CNKSR2: variants seen among roughly 807,000 people sequenced by gnomAD.
CNKSR2 encodes connector enhancer of kinase suppressor of Ras 2.
A neutral mutation model predicts 84.4 loss-of-function variants in CNKSR2; 14 were observed. That is an observed-to-expected ratio of 0.17 (90% CI 0.11 to 0.26). The LOEUF is 0.26. Among genes scored for constraint, CNKSR2 ranks in the 10% least tolerant of loss-of-function variants. The probability of loss-of-function intolerance (pLI) is 1.00; values close to 1 mark genes in which losing one functional copy is unlikely to be tolerated. For synonymous variants in CNKSR2, 275 were observed against 277.9 expected, an observed-to-expected ratio of 0.99 and a Z score of 0.10; for missense variants, 485 against 771.2, an observed-to-expected ratio of 0.63 and a Z score of 4.40.
rs746572827 is a variant in CNKSR2, at chrX:21,432,662, T to C, written c.279T>C (p.Asn93=). Residue 93 remains asparagine, a synonymous_variant, in exon 3 of 22, where the codon AAT becomes AAC. Coordinates refer to ENST00000379510, the MANE Select transcript of CNKSR2 (RefSeq NM_014927.5). ...ENLKTLSHKL[N]ASAKNLQNFI... ...TAAAAACCCTTTCTCACAAGTTGAA[T>C]GCATCTGCCAAAAATCTGCAGAATT... is the stretch of plus-strand genomic sequence containing the variant. 8 of 1,196,680 alleles carry C rather than the reference T, an allele frequency of 6.7e-6. No individual in the cohort carries two copies. The South Asian group carries it at 9.1e-5, about 14-fold the overall frequency.
chrX:21,557,466 A>G (rs931685121), intron 11 of CNKSR2, among the ~76,000 whole-genome samples: 6 of 111,037 alleles, frequency 5.4e-5, no homozygotes, highest in Non-Finnish European at 1.1e-4. Flanking sequence ...TACCACATTT[A>G]TTAGAATACA....
In CNKSR2 at chrX:21,486,318, A is replaced by G. The variant is rs906889052; in HGVS notation, c.562-4141A>G. 6.3e-5 allele frequency among the ~76,000 whole-genome samples: 7 copies of G among 111,422 alleles called. No homozygotes were observed. In the South Asian group the frequency reaches 2.7e-3, roughly 42 times the overall value. On this transcript the variant is annotated intron_variant, in intron 5 of 21. Coordinates refer to ENST00000379510, the MANE Select transcript of CNKSR2 (RefSeq NM_014927.5). The stretch of plus-strand genomic sequence containing the variant: ...TATTCCTTATCTAAACTACATTCTA[A>G]ATTGCAAGAACACTTGCAAGCCTGC...
At chrX:21,650,336 A>G (rs997676857) in intron 21 of CNKSR2, among the ~76,000 whole-genome samples, 4 of 107,374 alleles carry the variant, frequency 3.7e-5, no homozygotes, top group Non-Finnish European at 5.8e-5. Context: ...CAGAAAACCA[A>G]ACACCACATG....
In CNKSR2 at chrX:21,609,172, A is replaced by C. The variant is rs1437999744; in HGVS notation, c.2247A>C (p.Val749=). The C allele has an allele frequency of 8.3e-7, 1 of 1,211,316 alleles. No homozygotes were observed. Among genetic ancestry groups the C allele is most frequent in the Non-Finnish European group, 1.1e-6 (1 of 895,101 alleles). ...CTCATGAGGAGTTTCGCCAGGAAGT[A>C]ACTGGGAGCAGTGCAGTGTCTCCCA... is the stretch of plus-strand genomic sequence containing the variant. The part of the protein sequence containing the change: ...QSSHEEFRQE[V]TGSSAVSPIR... Residue 749 remains valine, a synonymous_variant, in exon 20 of 22, where the codon GTA becomes GTC. Coordinates refer to ENST00000379510, the MANE Select transcript of CNKSR2 (RefSeq NM_014927.5).
At chrX:21,477,352 T>C (rs1416360994) in intron 5 of CNKSR2, among the ~76,000 whole-genome samples, 3 of 112,031 alleles carry the variant, frequency 2.7e-5, no homozygotes, top group Non-Finnish European at 1.9e-5. Context: ...CTTCTAGTTA[T>C]ATAGTACTTT....
At chrX:21,554,949 A>G (rs1387382174) in intron 11 of CNKSR2, among the ~76,000 whole-genome samples, 1 of 110,595 alleles carries the variant, frequency 9.0e-6, no homozygotes, top group African/African-American at 3.3e-5. Flanking sequence ...TACTCCACCA[A>G]CAGTGTATAA....
At chrX:21,491,744 G>C (rs1225212066) in intron 6 of CNKSR2, 2 of 111,744 alleles carry the variant, frequency 1.8e-5, no homozygotes, top group Non-Finnish European at 3.8e-5. Context: ...TAGAACTTCT[G>C]TTAAGTAATT....
chrX:21,589,917 A>G (rs2092410480), intron 13 of CNKSR2, among the ~76,000 whole-genome samples: 1 of 111,434 alleles, frequency 9.0e-6, no homozygotes, highest in Admixed American at 9.6e-5. Flanking sequence ...TATGTAAACC[A>G]TATGAATTAG....
At chrX:21,499,962 T>G (rs2091542380) in intron 7 of CNKSR2, among the ~76,000 whole-genome samples, 1 of 111,266 alleles carries the variant, frequency 9.0e-6, no homozygotes, top group Admixed American at 9.6e-5. Context: ...TTTCCATACT[T>G]TCCTTTAAAA....
At chrX:21,532,387 ATTC>A (rs2091894022) in intron 11 of CNKSR2, among the ~76,000 whole-genome samples, 1 of 110,874 alleles carries the variant, frequency 9.0e-6, no homozygotes, top group Non-Finnish European at 1.9e-5. Context: ...GTGTTTTTTT[ATTC>A]TTTTTTGTTT....
Position 21,654,108 on chromosome X carries a change from A to T in CNKSR2, c.*1587A>T, listed in dbSNP as rs986131480. On this transcript the variant is annotated 3_prime_UTR_variant, in exon 22 of 22. Coordinates refer to ENST00000379510, the MANE Select transcript of CNKSR2 (RefSeq NM_014927.5). ...GCCTTTCTACAGCACATTTTCAGTA[A>T]TCCTATATTTAGTCAAAATGGATGA... is the stretch of plus-strand genomic sequence containing the variant. 3.6e-5 allele frequency: 4 copies of T among 110,095 alleles called. No individual in the cohort carries two copies. Among genetic ancestry groups the T allele is most frequent in the African/African-American group, 1.3e-4 (4 of 30,258 alleles). 9.1% of individuals were successfully genotyped at this position (110,095 alleles called of 1,213,427 possible). A position where few individuals can be genotyped will look rare whatever the true frequency, so the allele number is the denominator to read the frequency against.
At chrX:21,380,397 A>G (rs2089880270) in intron 1 of CNKSR2, among the ~76,000 whole-genome samples, 1 of 106,897 alleles carries the variant, frequency 9.4e-6, no homozygotes, top group Admixed American at 1.0e-4. Flanking sequence ...ATAAATTATC[A>G]TTTTTATTTA....
At chrX:21,440,863 G>T in intron 4 of CNKSR2, 82 bp downstream of exon 4, 1 of 533,580 alleles carries the variant, frequency 1.9e-6, no homozygotes, top group Non-Finnish European at 3.0e-6. Context: ...TGTACCAAGA[G>T]TTTTTAAGAT....
chrX:21,627,047 G>A (rs1045588155), intron 20 of CNKSR2, among the ~76,000 whole-genome samples: 1 of 111,947 alleles, frequency 8.9e-6, no homozygotes, highest in Non-Finnish European at 1.9e-5. Context: ...AATGTGTGTT[G>A]ATTTTGGATT....
chrX:21,527,166 TTAA>T (rs1290586106), intron 10 of CNKSR2, among the ~76,000 whole-genome samples, 166 bp downstream of exon 10: 8 of 110,839 alleles, frequency 7.2e-5, no homozygotes, highest in African/African-American at 1.6e-4. Flanking sequence ...TGCATGTTTA[TTAA>T]TAATAATAAT....
intron 1 of CNKSR2, among the ~76,000 whole-genome samples, chrX:21,399,377 A>G (rs769284680): frequency 7.1e-4 from 79 of 111,628 alleles, no homozygotes; most frequent in Non-Finnish European, 1.3e-3. Flanking sequence ...AGTAACTTGC[A>G]TATCCTTCAA....
intron 11 of CNKSR2, among the ~76,000 whole-genome samples, chrX:21,532,828 C>A (rs189704999): frequency 9.0e-6 from 1 of 111,460 alleles, no homozygotes; most frequent in East Asian, 2.8e-4. Flanking sequence ...TAATTTTTAG[C>A]GAGGAGCTTA....
At chrX:21,592,141 G>A (rs1474783196) in intron 15 of CNKSR2, 1 of 111,901 alleles carries the variant, frequency 8.9e-6, no homozygotes, top group African/African-American at 3.2e-5. Context: ...GTTATGTTGT[G>A]TTTAAGAGTA....
Position 21,432,770 on chromosome X carries a change from G to A in CNKSR2, c.387G>A (p.Val129=). Residue 129 remains valine, a synonymous_variant, in exon 3 of 22, where the codon GTG becomes GTA. Coordinates refer to ENST00000379510, the MANE Select transcript of CNKSR2 (RefSeq NM_014927.5). Reference sequence around the variant, plus strand: ...CAAACGACTTTCTGACCTCAGTTGTGGATCTGATTGGAGCAGCCAAGAGTC... The same window carrying A: ...CAAACGACTTTCTGACCTCAGTTGTAGATCTGATTGGAGCAGCCAAGAGTC... The part of the protein sequence containing the change: ...KLPNDFLTSV[V]DLIGAAKSLL... The A allele has an allele frequency of 1.7e-6, 2 of 1,210,288 alleles. No individual in the cohort carries two copies. The highest frequency in any genetic ancestry group is 1.7e-5 in the African/African-American group (1 of 57,612).
Sources: gnomAD v4.1 joint callset for allele counts (sites outside exome capture counted in the v4.1 genomes callset) on GRCh38, gnomAD v4.1.1 for gene constraint, MANE v1.5 for transcripts, NCBI Gene and HGNC (gene_info 2026-07-23, HGNC 2026-07-21) for gene names.